TENM2: variants seen among roughly 807,000 people sequenced by gnomAD.
The protein encoded by TENM2 is teneurin-2.
Under a neutral mutation model 245.2 loss-of-function variants are expected in TENM2, and 52 were observed. The ratio of observed to expected loss-of-function variants is 0.21; its 90% CI spans 0.17 to 0.27. TENM2 has a LOEUF of 0.27. Ranked by LOEUF, TENM2 falls within the 10% of genes least tolerant of loss-of-function variation. The probability of loss-of-function intolerance (pLI) is 1.00; values close to 1 mark genes in which losing one functional copy is unlikely to be tolerated. For missense variants in TENM2, 3,046 were observed against 3,666.8 expected, an observed-to-expected ratio of 0.83 and a Z score of 4.37; for synonymous variants, 1,363 against 1,438.9, an observed-to-expected ratio of 0.95 and a Z score of 1.19.
At chr5:168,238,718 G>C (rs1765829839) in intron 25 of TENM2, among the ~76,000 whole-genome samples, 1 of 152,174 alleles carries the variant, frequency 6.6e-6, no homozygotes, top group Middle Eastern at 3.2e-3. Flanking sequence ...CTTGTGACAG[G>C]CGTATGCTTG....
At chr5:167,559,732 G>C (rs1773469949) in intron 2 of TENM2, among the ~76,000 whole-genome samples, 3 of 152,170 alleles carry the variant, frequency 2.0e-5, no homozygotes. Context: ...CCATATCATA[G>C]TATTTTGGAG....
At chr5:167,802,820 G>A (rs561585681) in intron 2 of TENM2, among the ~76,000 whole-genome samples, 90 of 152,238 alleles carry the variant, frequency 5.9e-4, no homozygotes, top group African/African-American at 2.0e-3. Context: ...GCATTGTAGT[G>A]CAACTAATGA....
chr5:167,544,463 G>A (rs1368751951), intron 2 of TENM2, among the ~76,000 whole-genome samples: 3 of 152,046 alleles, frequency 2.0e-5, no homozygotes. Context: ...AGCTACAATG[G>A]GATTTCAATT....
At chr5:167,456,998 C>T (rs986567762) in intron 2 of TENM2, among the ~76,000 whole-genome samples, 8 of 152,184 alleles carry the variant, frequency 5.3e-5, no homozygotes, top group African/African-American at 1.7e-4. Context: ...TGTTTCCAGT[C>T]GTGGTTTGAA....
chr5:167,900,878 A>G (rs968408057), intron 3 of TENM2, among the ~76,000 whole-genome samples: 2 of 145,170 alleles, frequency 1.4e-5, no homozygotes, highest in Admixed American at 1.4e-4. Context: ...AGCAGTGACC[A>G]CCTGGGGGAC....
chr5:167,169,374 A>G, the TENM2 span, among the ~76,000 whole-genome samples: 20 of 152,210 alleles, frequency 1.3e-4, no homozygotes, highest in Non-Finnish European at 2.5e-4. Context: ...GTCAGTATAC[A>G]TTAAATATGA....
At chr5:167,470,976 A>C (rs1263029576) in intron 2 of TENM2, among the ~76,000 whole-genome samples, 1 of 152,172 alleles carries the variant, frequency 6.6e-6, no homozygotes, top group Non-Finnish European at 1.5e-5. Context: ...GCCTCATTAG[A>C]TAACTGAGTG....
chr5:167,729,856 C>A (rs1163779671), intron 2 of TENM2, among the ~76,000 whole-genome samples: 1 of 152,200 alleles, frequency 6.6e-6, no homozygotes, highest in Non-Finnish European at 1.5e-5. Context: ...CACATGCAAC[C>A]TCTGCCACCA....
At chr5:168,234,011 G>A (rs1403154558) in intron 25 of TENM2, among the ~76,000 whole-genome samples, 1 of 152,136 alleles carries the variant, frequency 6.6e-6, no homozygotes, top group Non-Finnish European at 1.5e-5. Context: ...CAAGATTTGG[G>A]TGGGGACACA....
intron 2 of TENM2, among the ~76,000 whole-genome samples, chr5:167,691,182 CTT>C (rs1271409972): frequency 1.3e-5 from 2 of 152,086 alleles, no homozygotes; most frequent in Non-Finnish European, 2.9e-5. Context: ...AAAAACATGA[CTT>C]ATATATTCTG....
chr5:168,018,559 A>G (rs1785865678), intron 5 of TENM2, among the ~76,000 whole-genome samples: 1 of 152,084 alleles, frequency 6.6e-6, no homozygotes, highest in Non-Finnish European at 1.5e-5. Context: ...GGAGGGGGAC[A>G]GTTTTATTCA....
At chr5:167,221,161 G>T in the TENM2 span, among the ~76,000 whole-genome samples, 1 of 152,144 alleles carries the variant, frequency 6.6e-6, no homozygotes, top group Non-Finnish European at 1.5e-5. Flanking sequence ...TGGGGATGCA[G>T]CCGTGATGCC....
At chr5:167,822,352 T>G (rs1767603511) in intron 2 of TENM2, among the ~76,000 whole-genome samples, 1 of 152,200 alleles carries the variant, frequency 6.6e-6, no homozygotes, top group African/African-American at 2.4e-5. Context: ...ATAAGTGCGT[T>G]AGAAGAAAGT....
chr5:167,160,577 G>A, the TENM2 span, among the ~76,000 whole-genome samples: 3,699 of 152,322 alleles, frequency 0.024, 133 homozygotes, highest in African/African-American at 0.084. Flanking sequence ...TGCTTCGCTG[G>A]ATCTTACATC....
intron 2 of TENM2, among the ~76,000 whole-genome samples, chr5:167,864,116 G>A (rs188217661): frequency 2.5e-4 from 38 of 152,274 alleles, no homozygotes; most frequent in Admixed American, 7.2e-4. Flanking sequence ...TACTGTGAGC[G>A]TGGGCAGCAT....
At chr5:167,695,443 C>A (rs375719518) in intron 2 of TENM2, among the ~76,000 whole-genome samples, 7 of 152,222 alleles carry the variant, frequency 4.6e-5, no homozygotes, top group African/African-American at 1.4e-4. Flanking sequence ...AAATATAAAA[C>A]TCCTTCTTAA....
chr5:167,607,099 AAG>A (rs1777108394), intron 2 of TENM2, among the ~76,000 whole-genome samples: 1 of 152,130 alleles, frequency 6.6e-6, no homozygotes, highest in South Asian at 2.1e-4. Flanking sequence ...TAAATGAGGA[AAG>A]AGAGGGCTGG....
At chr5:167,509,992 T>G (rs2127568070) in intron 2 of TENM2, among the ~76,000 whole-genome samples, 1 of 152,260 alleles carries the variant, frequency 6.6e-6, no homozygotes, top group African/African-American at 2.4e-5. Context: ...AGCTATCATC[T>G]TATGTGGCTG....
intron 2 of TENM2, among the ~76,000 whole-genome samples, chr5:167,431,745 C>T (rs1403915833): frequency 5.3e-5 from 8 of 151,696 alleles, no homozygotes; most frequent in African/African-American, 1.9e-4. Flanking sequence ...GTTTTTCCTA[C>T]CACCCAGTGT....
Sources: gnomAD v4.1 joint callset for allele counts (sites outside exome capture counted in the v4.1 genomes callset) on GRCh38, gnomAD v4.1.1 for gene constraint, MANE v1.5 for transcripts, NCBI Gene and HGNC (gene_info 2026-07-23, HGNC 2026-07-21) for gene names.